The following FRY variants were observed in gnomAD, a reference collection of about 807,000 sequenced individuals.
FRY encodes FRY microtubule binding protein.
In FRY, 128 loss-of-function variants were observed where a neutral mutation model predicts 348.4. The observed-to-expected ratio is 0.37, with a 90% CI of 0.32 to 0.43. The LOEUF is 0.43. FRY is among the 20% of genes least tolerant of loss of function. The pLI, the probability that FRY is intolerant of heterozygous loss-of-function variation, is 1.00. For synonymous variants in FRY, 1,370 were observed against 1,374.7 expected (o/e 1.00, Z 0.08); for missense variants, 2,736 against 3,695.2 (o/e 0.74, Z 6.73).
At chr13:32,194,446 T>C in intron 29 of FRY, 149 bp downstream of exon 29, 1 of 699,614 alleles carries the variant, frequency 1.4e-6, no homozygotes, top group Non-Finnish European at 2.5e-6. Context: ...GCAGGTAAAC[T>C]ACTCCCTGTA....
At position 32,171,184 on chromosome 13, in the gene FRY, C is replaced by T; in HGVS notation, c.2065C>T (p.Leu689=). 1.2e-6 allele frequency: 2 copies of T among 1,613,206 alleles called. No individual in the cohort carries two copies. Among genetic ancestry groups the T allele is most frequent in the African/African-American group, 1.3e-5 (1 of 74,990 alleles). The stretch of plus-strand genomic sequence containing the variant: ...ACTCCTTGATTCGTCCCTGAAGTTG[C>T]TGCTGCAGCTGCTCACCCAGTGGAA... The part of the protein sequence containing the change: ...HTLLDSSLKL[L]LQLLTQWKLV... Residue 689 remains leucine, a synonymous_variant, in exon 18 of 61, where the codon CTG becomes TTG. Coordinates refer to ENST00000542859, the MANE Select transcript of FRY (RefSeq NM_023037.3).
intron 28 of FRY, among the ~76,000 whole-genome samples, chr13:32,190,001 C>A (rs1460069378): frequency 1.3e-5 from 2 of 151,832 alleles, no homozygotes; most frequent in Non-Finnish European, 2.9e-5. Context: ...GGTTAATATT[C>A]AAATGTCTGT....
rs531995576 is a variant in FRY, at chr13:32,180,295, C to T, written c.2996+496C>T. On this transcript the variant is annotated intron_variant, in intron 23 of 60. Coordinates refer to ENST00000542859, the MANE Select transcript of FRY (RefSeq NM_023037.3). ...TGTCACGCAGGCTGGAGTGCAGTGG[C>T]GCAATCTCAGCTCACTGCAACCTCT... Among the ~76,000 whole-genome samples the T allele has an allele frequency of 1.7e-4, 26 of 151,562 alleles. No homozygotes were observed. The South Asian group carries it at 4.6e-3, about 27-fold the overall frequency.
rs1472305191 is a variant in FRY at position 32,095,225 on chromosome 13, C to T, written c.271-6738C>T. ...TTTTTCCCATAGGGTTGTTTGAACT[C>T]CGTGTATATTTTGGTTCTTAATCCA... is the stretch of plus-strand genomic sequence containing the variant. On this transcript the variant is annotated intron_variant, in intron 2 of 60. Transcript: ENST00000542859. Among the ~76,000 whole-genome samples the T allele has an allele frequency of 4.0e-5, 6 of 151,546 alleles. No homozygotes were observed. In the East Asian group the frequency reaches 7.7e-4, roughly 20 times the overall value.
In FRY at chr13:32,202,467, G is replaced by A. The variant is rs138780336; in HGVS notation, c.3958G>A (p.Ala1320Thr). The change falls in exon 31 of 61, where the codon GCC becomes ACC. Residue 1320 changes from alanine (A) to threonine (T), a missense_variant. Transcript: ENST00000542859. ...GCCACCCCTCTACAGCGTGTCACTT[G>A]CCCTCTTGTCATGTGAGCTGGCCAG... The part of the protein sequence containing the change: ...PLPPLYSVSL[A>T]LLSCELARMY... 9.5e-3 allele frequency: 15,338 copies of A among 1,613,724 alleles called. 122 individuals are homozygous for A. Among genetic ancestry groups the A allele is most frequent in the Non-Finnish European group, 9.7e-3 (11,416 of 1,179,754 alleles).
intron 51 of FRY, among the ~76,000 whole-genome samples, chr13:32,259,218 G>A (rs568360541): frequency 6.6e-6 from 1 of 152,322 alleles, no homozygotes; most frequent in African/African-American, 2.4e-5. Context: ...TCCCACTAGG[G>A]CCATGCTGAG....
intron 51 of FRY, among the ~76,000 whole-genome samples, chr13:32,256,932 AC>A (rs1887370376): frequency 6.6e-6 from 1 of 152,220 alleles, no homozygotes; most frequent in South Asian, 2.1e-4. Context: ...ACCTCATGTT[AC>A]AGGTCATAGT....
In FRY at chr13:32,175,035, T is replaced by C. The variant is rs190955337; in HGVS notation, c.2335-511T>C. 2.3e-3 allele frequency among the ~76,000 whole-genome samples: 355 copies of C among 152,328 alleles called. 1 individual carries two copies. Among genetic ancestry groups the C allele is most frequent in the African/African-American group, 8.2e-3 (341 of 41,588 alleles). On this transcript the variant is annotated intron_variant, in intron 19 of 60. Transcript: ENST00000542859. ...CGTGCCCTTTCCAATTTGCATCTTG[T>C]ATCAAATAGTTACATACTATGTAGA...
chr13:32,097,417 A>G (rs918287083), intron 2 of FRY, among the ~76,000 whole-genome samples: 1 of 137,436 alleles, frequency 7.3e-6, no homozygotes, highest in Non-Finnish European at 1.5e-5. Context: ...GGCTGAGTGC[A>G]GTGGCATGAT....
chr13:32,162,475 C>G (rs1398621700), intron 17 of FRY, among the ~76,000 whole-genome samples: 2 of 152,160 alleles, frequency 1.3e-5, no homozygotes, highest in Non-Finnish European at 2.9e-5. Context: ...TCATGGTCCT[C>G]TCTTACGTGG....
chr13:32,221,454 C>T (rs1006933429), intron 36 of FRY, among the ~76,000 whole-genome samples: 1 of 152,196 alleles, frequency 6.6e-6, no homozygotes, highest in African/African-American at 2.4e-5. Context: ...TGCTGCTGGC[C>T]TGCTTTGGGA....
At chr13:32,258,552 G>A (rs180785356) in intron 51 of FRY, among the ~76,000 whole-genome samples, 176 of 151,918 alleles carry the variant, frequency 1.2e-3, no homozygotes, top group Admixed American at 1.9e-3. Context: ...GGCAGAGGTT[G>A]CAGTGAGCCA....
intron 53 of FRY, among the ~76,000 whole-genome samples, chr13:32,264,357 G>A (rs554545597): frequency 1.3e-3 from 198 of 151,794 alleles, no homozygotes; most frequent in Non-Finnish European, 2.5e-3. Context: ...ACCATTCCTG[G>A]TAATTTTCCC....
intron 31 of FRY, among the ~76,000 whole-genome samples, 158 bp downstream of exon 31, chr13:32,202,685 G>A (rs1025364760): frequency 3.3e-5 from 5 of 151,904 alleles, no homozygotes; most frequent in African/African-American, 7.3e-5. Flanking sequence ...ACGATGCCAC[G>A]CATTCCTGTA....
At chr13:32,281,499 G>C (rs547423142) in intron 58 of FRY, among the ~76,000 whole-genome samples, 185 of 152,348 alleles carry the variant, frequency 1.2e-3, no homozygotes, top group Non-Finnish European at 1.6e-3. Flanking sequence ...AGAGGGATGA[G>C]AGTGGGATTT....
intron 2 of FRY, among the ~76,000 whole-genome samples, chr13:32,094,248 G>A (rs1448284679): frequency 7.9e-5 from 12 of 151,978 alleles, no homozygotes; most frequent in Non-Finnish European, 1.2e-4. Context: ...CATAGTAGGT[G>A]TATATATTTA....
At chr13:32,084,043 A>C (rs1380317572) in intron 2 of FRY, among the ~76,000 whole-genome samples, 1 of 152,076 alleles carries the variant, frequency 6.6e-6, no homozygotes, top group African/African-American at 2.4e-5. Flanking sequence ...TTAAAAACAA[A>C]AATGTTATAT....
intron 2 of FRY, among the ~76,000 whole-genome samples, chr13:32,083,679 T>C (rs1393420793): frequency 6.6e-6 from 1 of 152,216 alleles, no homozygotes; most frequent in Non-Finnish European, 1.5e-5. Flanking sequence ...TATCTCAAAC[T>C]TGTAAGACTT....
chr13:32,276,788 C>T (rs2138605139), intron 57 of FRY, among the ~76,000 whole-genome samples: 1 of 152,206 alleles, frequency 6.6e-6, no homozygotes. Flanking sequence ...ACTTTTAGCC[C>T]TACCAAGAAA....
Sources: gnomAD v4.1 joint callset for allele counts (sites outside exome capture counted in the v4.1 genomes callset) on GRCh38, gnomAD v4.1.1 for gene constraint, MANE v1.5 for transcripts, NCBI Gene and HGNC (gene_info 2026-07-23, HGNC 2026-07-21) for gene names.